The following EBF2 variants were observed in gnomAD, a reference collection of about 807,000 sequenced individuals.
EBF2 encodes the protein transcription factor COE2.
In EBF2, 21 loss-of-function variants were observed where a neutral mutation model predicts 72.8. The ratio of observed to expected loss-of-function variants is 0.29; its 90% CI spans 0.20 to 0.42. EBF2 has a LOEUF of 0.42. Among genes scored for constraint, EBF2 ranks in the 10% least tolerant of loss-of-function variants. EBF2 has a pLI of 1.00. For missense variants in EBF2, 637 were observed against 731.2 expected, an observed-to-expected ratio of 0.87 and a Z score of 1.49; for synonymous variants, 299 against 274.2, an observed-to-expected ratio of 1.09 and a Z score of -0.89.
chr8:25,891,614 G>A (rs1165506784), intron 7 of EBF2, among the ~76,000 whole-genome samples: 2 of 144,464 alleles, frequency 1.4e-5, no homozygotes, highest in Non-Finnish European at 3.0e-5. Flanking sequence ...GTCTCACTTT[G>A]TTGCATAGGC....
chr8:25,900,759 C>T (rs955417226), intron 7 of EBF2, among the ~76,000 whole-genome samples: 5 of 151,598 alleles, frequency 3.3e-5, no homozygotes, highest in Non-Finnish European at 5.9e-5. Context: ...ACATTGTGCA[C>T]ATGTACCCTA....
At chr8:25,986,229 G>A (rs1213410963) in intron 6 of EBF2, among the ~76,000 whole-genome samples, 7 of 151,824 alleles carry the variant, frequency 4.6e-5, no homozygotes, top group Admixed American at 1.3e-4. Context: ...CTTTGTTCAC[G>A]CAATAGCCCC....
At position 26,042,822 on chromosome 8, in the gene EBF2, C is replaced by T. The variant is rs370494939; in HGVS notation, c.132-571G>A. Reference sequence around the variant, plus strand: ...GTGGGTAAGAACCCCAAGGGGCAGGCGGGAGAGTAACACAGAGTCCAGGTC... The same window carrying T: ...GTGGGTAAGAACCCCAAGGGGCAGGTGGGAGAGTAACACAGAGTCCAGGTC... On this transcript the variant is annotated intron_variant, in intron 1 of 15. Transcript: ENST00000520164. Among the ~76,000 whole-genome samples the T allele has an allele frequency of 3.3e-4, 51 of 152,248 alleles. 1 individual carries two copies. The highest frequency in any genetic ancestry group is 2.5e-3 in the East Asian group (13 of 5,166).
chr8:25,925,010 C>T (rs1421275363), intron 6 of EBF2, among the ~76,000 whole-genome samples: 1 of 152,118 alleles, frequency 6.6e-6, no homozygotes, highest in Non-Finnish European at 1.5e-5. Context: ...TTGGAATCAC[C>T]TGCTTTGGTC....
intron 6 of EBF2, among the ~76,000 whole-genome samples, chr8:25,917,919 A>G (rs1416736277): frequency 6.6e-6 from 1 of 152,204 alleles, no homozygotes; most frequent in Non-Finnish European, 1.5e-5. Flanking sequence ...CTACCCTACC[A>G]TTAATTCATA....
chr8:25,914,642 G>A (rs1803180758), intron 6 of EBF2, among the ~76,000 whole-genome samples: 1 of 152,190 alleles, frequency 6.6e-6, no homozygotes, highest in South Asian at 2.1e-4. Flanking sequence ...TGGCAAGATG[G>A]TGGCTAGCAC....
At chr8:25,973,669 T>C (rs1255348691) in intron 6 of EBF2, among the ~76,000 whole-genome samples, 2 of 152,156 alleles carry the variant, frequency 1.3e-5, no homozygotes, top group African/African-American at 4.8e-5. Context: ...AGTCTGTTTT[T>C]CTTTTGTTTT....
chr8:25,998,181 C>G (rs900156028), intron 6 of EBF2, among the ~76,000 whole-genome samples: 28 of 152,130 alleles, frequency 1.8e-4, no homozygotes, highest in Admixed American at 1.8e-3. Flanking sequence ...CACACTTACT[C>G]TACAAAATAA....
intron 6 of EBF2, among the ~76,000 whole-genome samples, chr8:25,917,934 G>A (rs938698452): frequency 1.3e-5 from 2 of 152,070 alleles, no homozygotes; most frequent in Non-Finnish European, 2.9e-5. Context: ...TTCATAACTC[G>A]GTAATAACTT....
chr8:25,980,732 G>A (rs755337061), intron 6 of EBF2, among the ~76,000 whole-genome samples: 3 of 138,750 alleles, frequency 2.2e-5, no homozygotes, highest in Non-Finnish European at 4.5e-5. Context: ...GGTCAAGTGT[G>A]TCAATTTCTA....
intron 10 of EBF2, among the ~76,000 whole-genome samples, chr8:25,865,869 CA>C (rs1802302994): frequency 6.6e-6 from 1 of 151,692 alleles, no homozygotes; most frequent in African/African-American, 2.4e-5. Context: ...ACTGAAAATA[CA>C]AAAAATTAGC....
At chr8:25,903,692 G>A (rs1050894219) in intron 7 of EBF2, among the ~76,000 whole-genome samples, 1 of 151,950 alleles carries the variant, frequency 6.6e-6, no homozygotes, top group African/African-American at 2.4e-5. Context: ...GCGAGACTCC[G>A]TCTCAAAAAC....
At chr8:25,933,736 A>G (rs1299074337) in intron 6 of EBF2, among the ~76,000 whole-genome samples, 1 of 152,236 alleles carries the variant, frequency 6.6e-6, no homozygotes, top group African/African-American at 2.4e-5. Flanking sequence ...ATAATTATTT[A>G]AATTATGTTA....
At chr8:25,886,611 A>G (rs1263103345) in intron 10 of EBF2, 144 bp downstream of exon 10, 1 of 977,152 alleles carries the variant, frequency 1.0e-6, no homozygotes, top group Non-Finnish European at 1.4e-6. Flanking sequence ...TCACATCACC[A>G]TTCAACATCT....
Position 25,842,081 on chromosome 8 carries a change from G to A in EBF2, c.*2528C>T, listed in dbSNP as rs1133825. Reference sequence around the variant, plus strand: ...AATGAAGTAAATTGTCCCTTTAAATGAAAAAAATCTTACACAGCTCCTCTT... The same window carrying A: ...AATGAAGTAAATTGTCCCTTTAAATAAAAAAAATCTTACACAGCTCCTCTT... On this transcript the variant is annotated 3_prime_UTR_variant, in exon 16 of 16. Transcript: ENST00000520164. 2.0e-5 allele frequency: 3 copies of A among 152,088 alleles called. No homozygotes were observed. Among genetic ancestry groups the A allele is most frequent in the Non-Finnish European group, 2.9e-5 (2 of 68,010 alleles). The allele number at this position is 152,088 out of a possible 1,614,324, so 9.4% of individuals were successfully genotyped here.
At chr8:25,881,025 T>G (rs1802597843) in intron 10 of EBF2, among the ~76,000 whole-genome samples, 1 of 152,126 alleles carries the variant, frequency 6.6e-6, no homozygotes, top group South Asian at 2.1e-4. Flanking sequence ...CCTCCTAAAT[T>G]TTATCCACTT....
At chr8:25,919,420 C>A (rs1298536222) in intron 6 of EBF2, among the ~76,000 whole-genome samples, 1 of 152,138 alleles carries the variant, frequency 6.6e-6, no homozygotes, top group Non-Finnish European at 1.5e-5. Flanking sequence ...ATAGAGAGCT[C>A]CCTGGCCCTT....
intron 6 of EBF2, among the ~76,000 whole-genome samples, chr8:26,022,570 G>C (rs1233390102): frequency 6.6e-6 from 1 of 152,144 alleles, no homozygotes; most frequent in Non-Finnish European, 1.5e-5. Flanking sequence ...GTCCCAAAGT[G>C]TTTGTTCCAT....
At chr8:25,899,833 A>G (rs1802921076) in intron 7 of EBF2, among the ~76,000 whole-genome samples, 1 of 147,470 alleles carries the variant, frequency 6.8e-6, no homozygotes, top group African/African-American at 2.4e-5. Flanking sequence ...AGCAACAGGC[A>G]CGAGGCCTCT....
Sources: allele counts gnomAD v4.1 joint callset (sites outside exome capture counted in the v4.1 genomes callset), GRCh38; gene constraint gnomAD v4.1.1; transcripts MANE v1.5; gene names NCBI Gene and HGNC (gene_info 2026-07-23, HGNC 2026-07-21).